The following ADO variants were observed in gnomAD, a reference collection of about 807,000 sequenced individuals.
ADO encodes the protein 2-aminoethanethiol (cysteamine) dioxygenase.
In ADO, 9 loss-of-function variants were observed where a neutral mutation model predicts 16.6. That is an observed-to-expected ratio of 0.54 (90% CI 0.33 to 0.95). The LOEUF (loss-of-function observed/expected upper bound fraction) is 0.95. ADO is among the 40% of genes least tolerant of loss of function. ADO has a pLI of 0.03. For synonymous variants in ADO, 189 were observed against 179.6 expected (o/e 1.05, Z -0.42); for missense variants, 356 against 386.4 (o/e 0.92, Z 0.66).
At position 62,805,868 on chromosome 10, in the gene ADO, C is replaced by T. The variant is rs1329774835; in HGVS notation, c.809C>T (p.Pro270Leu). 1 of 1,495,604 alleles carries T rather than the reference C, an allele frequency of 6.7e-7. No individual in the cohort carries two copies. The allele number at this position is 1,495,604 out of a possible 1,614,324, so 92.6% of individuals were successfully genotyped here. The change falls in exon 1 of 1, where the codon CCT becomes CTT. Residue 270 changes from proline (P) to leucine (L), a missense_variant. Transcript: ENST00000373783. This position sits in a 1 kb window ranked among gnomAD's most constrained non-coding sequence, Gnocchi z 6.4. ...CCCTATCCAGGTCCCAAGGTCTTCC[C>T]TTGAAGCCACTGGCGCCCAGGAGCG... Reference protein sequence around the residue: ...GEPYPGPKVFP With the variant: ...GEPYPGPKVFL
In ADO at chr10:62,805,056, G is replaced by A; in HGVS notation, c.-4G>A. ...GGTCCCGGCACGCAGAGGAGCAGCC[G>A]ACCATGCCCCGAGACAACATGGCCT... On this transcript the variant is annotated 5_prime_UTR_variant, in exon 1 of 1. Transcript: ENST00000373783. This position sits in a 1 kb window ranked among gnomAD's most constrained non-coding sequence, Gnocchi z 6.4. 1 of 1,469,026 alleles carries A rather than the reference G, an allele frequency of 6.8e-7. No individual in the cohort carries two copies. Among genetic ancestry groups the A allele is most frequent in the Non-Finnish European group, 9.0e-7 (1 of 1,114,094 alleles). The allele number at this position is 1,469,026 out of a possible 1,614,324, so 91.0% of individuals were successfully genotyped here. A position where few individuals can be genotyped will look rare whatever the true frequency, so the allele number is the denominator to read the frequency against.
chr10:62,808,265 G>T lies in ADO; in HGVS notation c.*2393G>T, dbSNP rs377479963. On this transcript the variant is annotated 3_prime_UTR_variant, in exon 1 of 1. Transcript: ENST00000373783. ...ATGCTTATTACAAAGACAAAATGTG[G>T]TGCAGAAACTATCTTGCACCTGTGT... The T allele has an allele frequency of 6.0e-6, 1 of 167,260 alleles. No homozygotes were observed. Among genetic ancestry groups the T allele is most frequent in the Non-Finnish European group, 1.5e-5 (1 of 68,126 alleles). 10.4% of individuals were successfully genotyped at this position (167,260 alleles called of 1,614,324 possible). A position where few individuals can be genotyped will look rare whatever the true frequency, so the allele number is the denominator to read the frequency against.
At position 62,808,117 on chromosome 10, in the gene ADO, A is replaced by G. The variant is rs1255629377; in HGVS notation, c.*2245A>G. 1 of 167,264 alleles carries G rather than the reference A, an allele frequency of 6.0e-6. No homozygotes were observed. The highest frequency in any genetic ancestry group is 1.5e-5 in the Non-Finnish European group (1 of 68,118). The allele number at this position is 167,264 out of a possible 1,614,324, so 10.4% of individuals were successfully genotyped here. ...TGAAATTGTTGCAGGCCAAAACAGCAATATGATATCTCAGATTTAGTTCAA... is the reference window on the plus strand; with the variant it reads ...TGAAATTGTTGCAGGCCAAAACAGCGATATGATATCTCAGATTTAGTTCAA... On this transcript the variant is annotated 3_prime_UTR_variant, in exon 1 of 1. Transcript: ENST00000373783.
In ADO at chr10:62,805,202, C is replaced by G; in HGVS notation, c.143C>G (p.Pro48Arg). 1.9e-6 allele frequency: 3 copies of G among 1,602,914 alleles called. No homozygotes were observed. The highest frequency in any genetic ancestry group is 3.4e-5 in the Admixed American group (2 of 59,444). ...GPEAPMQPGFPENLSKLKSLL... is the reference protein window; with the variant it reads ...GPEAPMQPGFRENLSKLKSLL... ...GAGGCGCCGATGCAGCCGGGCTTCC[C>G]CGAGAACCTGAGCAAGCTGAAGAGC... Residue 48 changes from proline (P) to arginine (R), a missense_variant, in exon 1 of 1, where the codon CCC (proline) becomes CGC (arginine). Coordinates refer to ENST00000373783, the MANE Select transcript of ADO (RefSeq NM_032804.6). The surrounding 1 kb of genome is among the most constrained non-coding windows in gnomAD (Gnocchi z 6.4).
chr10:62,805,634 T>C lies in ADO; in HGVS notation c.575T>C (p.Leu192Pro). The change falls in exon 1 of 1, where the codon CTG (leucine) becomes CCG (proline). Residue 192 changes from leucine (L) to proline (P), a missense_variant. Leu to Pro is a moderately conservative substitution (Grantham distance 98, BLOSUM62 -3). Coordinates refer to ENST00000373783, the MANE Select transcript of ADO (RefSeq NM_032804.6). This position sits in a 1 kb window ranked among gnomAD's most constrained non-coding sequence, Gnocchi z 6.4. ...PCILTPHRDNLHQIDAVEGPA... is the reference protein window; with the variant it reads ...PCILTPHRDNPHQIDAVEGPA... ...ATCCTCACACCGCACCGGGACAACC[T>C]GCACCAGATCGACGCCGTGGAAGGG... 6.2e-7 allele frequency: 1 copy of C among 1,608,208 alleles called. No individual in the cohort carries two copies. Among genetic ancestry groups the C allele is most frequent in the Non-Finnish European group, 8.5e-7 (1 of 1,178,150 alleles).
chr10:62,806,080 G>A lies in ADO; in HGVS notation c.*208G>A, dbSNP rs374313894. On this transcript the variant is annotated 3_prime_UTR_variant, in exon 1 of 1. Transcript: ENST00000373783. ...GGCGGGGAGGCTAGATTGTTTCCTG[G>A]TACTGTCACTGCCACTGGGGCTTTG... 270 of 511,836 alleles carry A rather than the reference G, an allele frequency of 5.3e-4. 1 individual carries two copies. The highest frequency in any genetic ancestry group is 5.1e-3 in the African/African-American group (250 of 49,362). The allele number at this position is 511,836 out of a possible 1,614,324, so 31.7% of individuals were successfully genotyped here.
Position 62,805,619 on chromosome 10 carries a change from C to G in ADO, c.560C>G (p.Pro187Arg). Residue 187 changes from proline to arginine, a missense_variant, in exon 1 of 1, where the codon CCG becomes CGG. By Grantham distance (103) the Pro-to-Arg change is moderately radical. Transcript: ENST00000373783. This position sits in a 1 kb window ranked among gnomAD's most constrained non-coding sequence, Gnocchi z 6.4. ...GCCAGCGGCCCCTGCATCCTCACACCGCACCGGGACAACCTGCACCAGATC... is the reference window on the plus strand; with the variant it reads ...GCCAGCGGCCCCTGCATCCTCACACGGCACCGGGACAACCTGCACCAGATC... ...TEASGPCILT[P>R]HRDNLHQIDA... is the part of the protein sequence containing the mutation. 1 of 1,604,014 alleles carries G rather than the reference C, an allele frequency of 6.2e-7. No individual in the cohort carries two copies. Among genetic ancestry groups the G allele is most frequent in the Non-Finnish European group, 8.5e-7 (1 of 1,176,318 alleles).
chr10:62,805,937 C>G lies in ADO; in HGVS notation c.*65C>G, dbSNP rs548116560. 3 of 1,381,944 alleles carry G rather than the reference C, an allele frequency of 2.2e-6. No individual in the cohort carries two copies. The South Asian group carries it at 4.7e-5, about 22-fold the overall frequency. The allele number at this position is 1,381,944 out of a possible 1,614,324, so 85.6% of individuals were successfully genotyped here. ...CTACCCTACCACAAGGGCTGTGTCT[C>G]TACCCCCTAGCCTGGGCGTTGGATC... is the stretch of plus-strand genomic sequence containing the variant. On this transcript the variant is annotated 3_prime_UTR_variant, in exon 1 of 1. Transcript: ENST00000373783. The surrounding 1 kb of genome is among the most constrained non-coding windows in gnomAD (Gnocchi z 6.4).
At position 62,807,592 on chromosome 10, in the gene ADO, T is replaced by G. The variant is rs1842066075; in HGVS notation, c.*1720T>G. On this transcript the variant is annotated 3_prime_UTR_variant, in exon 1 of 1. Coordinates refer to ENST00000373783, the MANE Select transcript of ADO (RefSeq NM_032804.6). ...AAAACCAAAACAAAACACAAAAAGA[T>G]ATTCCACAGGACATGCCACTTTATT... 1 of 167,122 alleles carries G rather than the reference T, an allele frequency of 6.0e-6. No individual in the cohort carries two copies. Among genetic ancestry groups the G allele is most frequent in the South Asian group, 2.1e-4 (1 of 4,824 alleles). The allele number at this position is 167,122 out of a possible 1,614,324, so 10.4% of individuals were successfully genotyped here.
Position 62,805,133 on chromosome 10 carries a change from G to A in ADO, c.74G>A (p.Gly25Glu), listed in dbSNP as rs1364672532. The change falls in exon 1 of 1, where the codon GGG (glycine) becomes GAG (glutamate). Residue 25 changes from glycine to glutamate, a missense_variant. By Grantham distance (98) the Gly-to-Glu change is moderately conservative. Coordinates refer to ENST00000373783, the MANE Select transcript of ADO (RefSeq NM_032804.6). The surrounding 1 kb of genome is among the most constrained non-coding windows in gnomAD (Gnocchi z 6.4). ...GCTTGCCTCACCTTCCGGGGCAGCG[G>A]GGGCGGCCGCGGCGCTTCCGATCGC... ...RQACLTFRGS[G>E]GGRGASDRDA... 6.4e-7 allele frequency: 1 copy of A among 1,566,124 alleles called. No homozygotes were observed. Among genetic ancestry groups the A allele is most frequent in the Non-Finnish European group, 8.6e-7 (1 of 1,162,240 alleles).
rs542775198 is a variant in ADO at position 62,804,822 on chromosome 10, T to G, written c.-238T>G. 1.2e-4 allele frequency: 33 copies of G among 277,784 alleles called. 1 individual carries two copies. Among genetic ancestry groups the G allele is most frequent in the South Asian group, 8.3e-4 (5 of 6,014 alleles). The allele number at this position is 277,784 out of a possible 1,614,324, so 17.2% of individuals were successfully genotyped here. Reference sequence around the variant, plus strand: ...GCGGCCGCTATCTGCTCCCGGAGCGTGAGTGCGGGGTGTGGGGCGTGCGCG... The same window carrying G: ...GCGGCCGCTATCTGCTCCCGGAGCGGGAGTGCGGGGTGTGGGGCGTGCGCG... On this transcript the variant is annotated 5_prime_UTR_variant, in exon 1 of 1. It removes the in-frame stop codon of an upstream open reading frame in the 5' UTR. Coordinates refer to ENST00000373783, the MANE Select transcript of ADO (RefSeq NM_032804.6).
At position 62,805,317 on chromosome 10, in the gene ADO, C is replaced by T. The variant is rs1385344615; in HGVS notation, c.258C>T (p.Thr86=). The T allele has an allele frequency of 1.2e-5, 19 of 1,604,462 alleles. No individual in the cohort carries two copies. In the Middle Eastern group the frequency reaches 5.0e-4, roughly 42 times the overall value. ...TGCCGCCCAACCTGCCGCCAGTCAC[C>T]TACATGCACATCTACGAGACGGACG... ...QPLPPNLPPV[T]YMHIYETDGF... Residue 86 remains threonine (T), a synonymous_variant, in exon 1 of 1, where the codon ACC becomes ACT. Transcript: ENST00000373783. This position sits in a 1 kb window ranked among gnomAD's most constrained non-coding sequence, Gnocchi z 6.4.
In ADO at chr10:62,805,055, C is replaced by G. The variant is rs199553864; in HGVS notation, c.-5C>G. ...CGGTCCCGGCACGCAGAGGAGCAGC[C>G]GACCATGCCCCGAGACAACATGGCC... On this transcript the variant is annotated 5_prime_UTR_variant, in exon 1 of 1. Coordinates refer to ENST00000373783, the MANE Select transcript of ADO (RefSeq NM_032804.6). The surrounding 1 kb of genome is among the most constrained non-coding windows in gnomAD (Gnocchi z 6.4). 1 of 1,469,280 alleles carries G rather than the reference C, an allele frequency of 6.8e-7. No individual in the cohort carries two copies. The highest frequency in any genetic ancestry group is 9.0e-7 in the Non-Finnish European group (1 of 1,114,370). The allele number at this position is 1,469,280 out of a possible 1,614,324, so 91.0% of individuals were successfully genotyped here.
At position 62,804,833 on chromosome 10, in the gene ADO, TG is replaced by T. The variant is rs1842030539; in HGVS notation, c.-226del. On this transcript the variant is annotated 5_prime_UTR_variant, in exon 1 of 1. Coordinates refer to ENST00000373783, the MANE Select transcript of ADO (RefSeq NM_032804.6). ...CTGCTCCCGGAGCGTGAGTGCGGGG[TG>T]TGGGGCGTGCGCGTGCGCGCTCAGA... The T allele has an allele frequency of 3.5e-6, 1 of 287,450 alleles. No individual in the cohort carries two copies. The highest frequency in any genetic ancestry group is 5.3e-5 in the Admixed American group (1 of 18,982). 17.8% of individuals were successfully genotyped at this position (287,450 alleles called of 1,614,324 possible).
At position 62,807,817 on chromosome 10, in the gene ADO, T is replaced by C. The variant is rs1012557009; in HGVS notation, c.*1945T>C. 2 of 166,052 alleles carry C rather than the reference T, an allele frequency of 1.2e-5. No individual in the cohort carries two copies. Among genetic ancestry groups the C allele is most frequent in the Non-Finnish European group, 3.0e-5 (2 of 67,756 alleles). The allele number at this position is 166,052 out of a possible 1,614,324, so 10.3% of individuals were successfully genotyped here. On this transcript the variant is annotated 3_prime_UTR_variant, in exon 1 of 1. Transcript: ENST00000373783. ...AAACTTCACAAAATAAAAGATCTTGTTTTTTTTTCCATAGCACAGTAATGA... is the reference window on the plus strand; with the variant it reads ...AAACTTCACAAAATAAAAGATCTTGCTTTTTTTTCCATAGCACAGTAATGA...
In ADO at chr10:62,807,112, C is replaced by T. The variant is rs887050489; in HGVS notation, c.*1240C>T. On this transcript the variant is annotated 3_prime_UTR_variant, in exon 1 of 1. Coordinates refer to ENST00000373783, the MANE Select transcript of ADO (RefSeq NM_032804.6). ...ACCAAAACTTGGGATTAAACACTTC[C>T]TACTTCCCACTCCCAACTCCTGAAA... The T allele has an allele frequency of 1.2e-5, 2 of 167,184 alleles. No homozygotes were observed. Among genetic ancestry groups the T allele is most frequent in the African/African-American group, 4.8e-5 (2 of 41,430 alleles). The allele number at this position is 167,184 out of a possible 1,614,324, so 10.4% of individuals were successfully genotyped here.
Position 62,805,809 on chromosome 10 carries a change from C to G in ADO, c.750C>G (p.Thr250=). Residue 250 remains threonine, a synonymous_variant, in exon 1 of 1, where the codon ACC becomes ACG. Coordinates refer to ENST00000373783, the MANE Select transcript of ADO (RefSeq NM_032804.6). This position sits in a 1 kb window ranked among gnomAD's most constrained non-coding sequence, Gnocchi z 6.4. ...CTCGAGAGGTGTGGCTCCTGGAGAC[C>G]CCACAGGCCGATGACTTCTGGTGCG... is the stretch of plus-strand genomic sequence containing the variant. ...DLPREVWLLE[T]PQADDFWCEG... 6.3e-7 allele frequency: 1 copy of G among 1,580,040 alleles called. No homozygotes were observed. The highest frequency in any genetic ancestry group is 1.3e-5 in the African/African-American group (1 of 74,390).
chr10:62,805,614 C>T lies in ADO; in HGVS notation c.555C>T (p.Leu185=), dbSNP rs749529795. 6.2e-7 allele frequency: 1 copy of T among 1,602,196 alleles called. No individual in the cohort carries two copies. Among genetic ancestry groups the T allele is most frequent in the Non-Finnish European group, 8.5e-7 (1 of 1,175,482 alleles). ...EYTEASGPCI[L]TPHRDNLHQI... is the part of the protein sequence containing the mutation. ...CCGAGGCCAGCGGCCCCTGCATCCT[C>T]ACACCGCACCGGGACAACCTGCACC... Residue 185 remains leucine (L), a synonymous_variant, in exon 1 of 1, where the codon CTC becomes CTT. Coordinates refer to ENST00000373783, the MANE Select transcript of ADO (RefSeq NM_032804.6). This position sits in a 1 kb window ranked among gnomAD's most constrained non-coding sequence, Gnocchi z 6.4.
rs113773165 is a variant in ADO, at chr10:62,805,508, A to C, written c.449A>C (p.Glu150Ala). The C allele has an allele frequency of 1.3e-6, 2 of 1,538,458 alleles. No individual in the cohort carries two copies. The highest frequency in any genetic ancestry group is 1.7e-6 in the Non-Finnish European group (2 of 1,145,116). ...CAACGGCCGCGGGCCTTGCCGCCCG[A>C]GCAGCAGTTCGAGCCGCCGCTGCAG... ...GGQRPRALPP[E>A]QQFEPPLQPR... Residue 150 changes from glutamate (E) to alanine (A), a missense_variant, in exon 1 of 1, where the codon GAG (glutamate) becomes GCG (alanine). Coordinates refer to ENST00000373783, the MANE Select transcript of ADO (RefSeq NM_032804.6). This position sits in a 1 kb window ranked among gnomAD's most constrained non-coding sequence, Gnocchi z 6.4.
Sources: gnomAD v4.1 joint callset for allele counts on GRCh38, gnomAD v4.1.1 for gene constraint, Gnocchi (gnomAD v3.1) non-coding constraint, MANE v1.5 for transcripts, NCBI Gene and HGNC (gene_info 2026-07-23, HGNC 2026-07-21) for gene names.